TAF1A: variants seen among roughly 807,000 people sequenced by gnomAD.
The protein encoded by TAF1A is TATA-box binding protein associated factor, RNA polymerase I subunit A.
TAF1A carries 42 observed loss-of-function variants against 61.6 expected under a neutral mutation model. The observed-to-expected ratio is 0.68, with a 90% confidence interval of 0.53 to 0.88. The LOEUF (loss-of-function observed/expected upper bound fraction) is 0.88, where lower values mean the gene tolerates loss of function less well. Ranked by LOEUF, TAF1A falls within the 40% of genes least tolerant of loss-of-function variation. The pLI is 0.00. For missense variants in TAF1A, 424 were observed against 518.7 expected, an observed-to-expected ratio of 0.82 and a Z score of 1.77; for synonymous variants, 179 against 177.7, an observed-to-expected ratio of 1.01 and a Z score of -0.06.
chr1:222,562,588 A>G (rs1422647787), intron 9 of TAF1A, among the ~76,000 whole-genome samples: 1 of 152,228 alleles, frequency 6.6e-6, no homozygotes, highest in East Asian at 1.9e-4. Flanking sequence ...AAATATATGA[A>G]ACAACTTTGT....
intron 2 of TAF1A, among the ~76,000 whole-genome samples, chr1:222,586,179 A>G (rs142645858): frequency 1.3e-5 from 2 of 152,146 alleles, no homozygotes; most frequent in African/African-American, 4.8e-5. Flanking sequence ...TTACAACTAC[A>G]GAGTACTATG....
chr1:222,577,452 T>C lies in TAF1A; in HGVS notation c.597A>G (p.Ser199=). The C allele has an allele frequency of 6.2e-7, 1 of 1,613,748 alleles. No homozygotes were observed. ...YTWSEKKMEL[S]KLDKDDYAYN... ...TTACCTGTATTCACTTACCAAGCTT[T>C]GACAATTCCATCTTCTTTTCAGACC... Residue 199 remains serine, a synonymous_variant, in exon 5 of 11, where the codon TCA becomes TCG. Transcript: ENST00000352967.
intron 5 of TAF1A, among the ~76,000 whole-genome samples, chr1:222,577,101 C>T (rs896494474): frequency 7.3e-5 from 11 of 150,324 alleles, no homozygotes; most frequent in African/African-American, 2.7e-4. Context: ...CCCCAAGTCA[C>T]CTCCATAGAA....
intron 5 of TAF1A, among the ~76,000 whole-genome samples, chr1:222,575,951 C>T (rs1660557216): frequency 6.6e-6 from 1 of 152,056 alleles, no homozygotes; most frequent in Non-Finnish European, 1.5e-5. Context: ...TTAAAACTAA[C>T]CTAATCAATG....
intron 7 of TAF1A, among the ~76,000 whole-genome samples, chr1:222,567,643 G>A (rs560854061): frequency 6.6e-6 from 1 of 152,238 alleles, no homozygotes; most frequent in South Asian, 2.1e-4. Context: ...CCTCAATACA[G>A]TTGAGATGTC....
At position 222,558,415 on chromosome 1, in the gene TAF1A, TG is replaced by T. The variant is rs1264662144; in HGVS notation, c.*244del. On this transcript the variant is annotated 3_prime_UTR_variant, in exon 11 of 11. Transcript: ENST00000352967. ...TATATTCTGTAATTAGTTTGTCATT[TG>T]AAGAATTATTCCTTAACAAATGTAA... 4.8e-4 allele frequency: 96 copies of T among 199,088 alleles called. No individual in the cohort carries two copies. In the East Asian group the frequency reaches 5.3e-3, roughly 11 times the overall value. The allele number at this position is 199,088 out of a possible 1,614,324, so 12.3% of individuals were successfully genotyped here. A position where few individuals can be genotyped will look rare whatever the true frequency, so the allele number is the denominator to read the frequency against.
chr1:222,561,247 C>T, intron 10 of TAF1A, 117 bp downstream of exon 10: 2 of 1,053,706 alleles, frequency 1.9e-6, no homozygotes, highest in Non-Finnish European at 2.7e-6. Context: ...GCAGTTATGT[C>T]TTAAGCACCT....
intron 9 of TAF1A, among the ~76,000 whole-genome samples, chr1:222,562,351 CAAATAGAGGTTCGAA>C (rs1239450679): frequency 6.6e-6 from 1 of 152,048 alleles, no homozygotes; most frequent in Non-Finnish European, 1.5e-5. Flanking sequence ...TATGGTAGAA[CAAATAGAGGTTCGAA>C]AAAATGAACC....
At chr1:222,557,162 T>G (rs937563638), downstream of TAF1A, among the ~76,000 whole-genome samples, 1 of 152,248 alleles carries the variant, frequency 6.6e-6, no homozygotes, top group African/African-American at 2.4e-5. Context: ...GCCATCTAAA[T>G]ATTAGACTTG....
chr1:222,585,571 CA>C, intron 2 of TAF1A, among the ~76,000 whole-genome samples: 1 of 152,202 alleles, frequency 6.6e-6, no homozygotes, highest in Non-Finnish European at 1.5e-5. Flanking sequence ...TTTGGCCTCC[CA>C]AAGTGCTGGG....
At chr1:222,588,235 A>T (rs1178605391) in intron 2 of TAF1A, among the ~76,000 whole-genome samples, 2 of 152,202 alleles carry the variant, frequency 1.3e-5, no homozygotes, top group Non-Finnish European at 2.9e-5. Flanking sequence ...ACTGGAAAAA[A>T]TGTGTATCTA....
downstream of TAF1A, among the ~76,000 whole-genome samples, chr1:222,556,065 T>C (rs1659721536): frequency 6.6e-6 from 1 of 152,062 alleles, no homozygotes; most frequent in East Asian, 1.9e-4. Context: ...TCAAGCAGAA[T>C]CTCATCAAGG....
intron 3 of TAF1A, among the ~76,000 whole-genome samples, chr1:222,583,465 A>C (rs75861333): frequency 0.12 from 18,699 of 152,052 alleles, 1,293 homozygotes; most frequent in Middle Eastern, 0.2. Context: ...AAAGAGAACA[A>C]CTCTTTCAAG....
intron 10 of TAF1A, among the ~76,000 whole-genome samples, chr1:222,560,429 T>C (rs1008181466): frequency 6.6e-6 from 1 of 152,210 alleles, no homozygotes; most frequent in African/African-American, 2.4e-5. Context: ...TAAAAGTTAA[T>C]TGCTTGACCT....
At position 222,571,152 on chromosome 1, in the gene TAF1A, G is replaced by C. The variant is rs148866915; in HGVS notation, c.605-487C>G. Among the ~76,000 whole-genome samples the C allele has an allele frequency of 4.6e-3, 700 of 152,118 alleles. 24 individuals are homozygous for C. The highest frequency in any genetic ancestry group is 0.044 in the Admixed American group (669 of 15,276). On this transcript the variant is annotated intron_variant, in intron 5 of 10. Coordinates refer to ENST00000352967, the MANE Select transcript of TAF1A (RefSeq NM_005681.4). ...CCAAAACCTCATGATCATCACAATAGACACAGAAAAAGCATCTGAAAAAAC... is the reference window on the plus strand; with the variant it reads ...CCAAAACCTCATGATCATCACAATACACACAGAAAAAGCATCTGAAAAAAC...
rs1660714122 is a variant in TAF1A at position 222,579,810 on chromosome 1, G to T, written c.354C>A (p.Phe118Leu). ...TTTTCATCCGGTTAGCAAAAGTATT[G>T]AAACTCTCCATGTTGCTTTTGGGAT... ...FYHPKSNMES[F>L]NTFANRMKNI... Residue 118 changes from phenylalanine to leucine, a missense_variant, in exon 4 of 11, where the codon TTC becomes TTA. By Grantham distance (22) the Phe-to-Leu change is conservative (BLOSUM62 0). Transcript: ENST00000352967. 1 of 1,611,528 alleles carries T rather than the reference G, an allele frequency of 6.2e-7. No individual in the cohort carries two copies. Among genetic ancestry groups the T allele is most frequent in the Non-Finnish European group, 8.5e-7 (1 of 1,179,370 alleles).
Position 222,569,167 on chromosome 1 carries a change from G to A in TAF1A, c.894+343C>T, listed in dbSNP as rs572957549. On this transcript the variant is annotated intron_variant, in intron 7 of 10. Transcript: ENST00000352967. ...TATCATGATTACCATGGTGGTTCAT[G>A]AATGTAACGCATCCAAGCACATACT... 62 of 854,322 alleles carry A rather than the reference G, an allele frequency of 7.3e-5. No homozygotes were observed. In the South Asian group the frequency reaches 1.3e-3, roughly 18 times the overall value. 52.9% of individuals were successfully genotyped at this position (854,322 alleles called of 1,614,324 possible).
intron 2 of TAF1A, among the ~76,000 whole-genome samples, chr1:222,588,215 A>T (rs987140824): frequency 6.6e-6 from 1 of 152,222 alleles, no homozygotes; most frequent in Non-Finnish European, 1.5e-5. Flanking sequence ...AAAAGTGCTC[A>T]GTAAGTATTA....
intron 4 of TAF1A, among the ~76,000 whole-genome samples, chr1:222,577,904 G>T (rs546407510): frequency 6.6e-6 from 1 of 152,284 alleles, no homozygotes; most frequent in East Asian, 1.9e-4. Context: ...AGGTTTTGAA[G>T]ATGAGTGTCT....
Sources: allele counts gnomAD v4.1 joint callset (sites outside exome capture counted in the v4.1 genomes callset), GRCh38; gene constraint gnomAD v4.1.1; transcripts MANE v1.5; gene names NCBI Gene and HGNC (gene_info 2026-07-23, HGNC 2026-07-21).